Variants in CSNK1G1 observed in about 807,000 individuals in gnomAD.
CSNK1G1 encodes casein kinase I isoform gamma-1.
Under a neutral mutation model 59.6 loss-of-function variants are expected in CSNK1G1, and 22 were observed. The ratio of observed to expected loss-of-function variants is 0.37; its 90% CI spans 0.26 to 0.53. The LOEUF (loss-of-function observed/expected upper bound fraction) is 0.53, where lower values mean the gene tolerates loss of function less well. Ranked by LOEUF, CSNK1G1 falls within the 20% of genes least tolerant of loss-of-function variation. The pLI is 0.89. For missense variants in CSNK1G1, 384 were observed against 519.5 expected (o/e 0.74, Z 2.54); for synonymous variants, 179 against 177.1 (o/e 1.01, Z -0.08).
chr15:64,287,950 G>C (rs1894517635), intron 2 of CSNK1G1, among the ~76,000 whole-genome samples: 1 of 151,290 alleles, frequency 6.6e-6, no homozygotes, highest in South Asian at 2.1e-4. Flanking sequence ...GGAAACAGTA[G>C]ACTAGAGATG....
At chr15:64,285,911 C>T (rs1450603295) in intron 2 of CSNK1G1, among the ~76,000 whole-genome samples, 1 of 151,748 alleles carries the variant, frequency 6.6e-6, no homozygotes, top group Non-Finnish European at 1.5e-5. Flanking sequence ...ATGGCCTACA[C>T]AATAAAGTCC....
In CSNK1G1 at chr15:64,277,880, GATATATTTAATA is replaced by G. The variant is rs1345618302; in HGVS notation, c.182-18651_182-18640del. Among the ~76,000 whole-genome samples the G allele has an allele frequency of 8.2e-3, 1,098 of 134,146 alleles. 29 individuals carry two copies. The highest frequency in any genetic ancestry group is 0.029 in the African/African-American group (1,049 of 35,896). 88.0% of individuals were successfully genotyped at this position (134,146 alleles called of 152,430 possible). A position where few individuals can be genotyped will look rare whatever the true frequency, so the allele number is the denominator to read the frequency against. On this transcript the variant is annotated intron_variant, in intron 2 of 11. Transcript: ENST00000303052. Reference sequence around the variant, plus strand: ...TATTGATATATTTAATAATAATATTGATATATTTAATATATTGATATTGATATATTTAATAAT... The same window carrying G: ...TATTGATATATTTAATAATAATATTGTATTGATATTGATATATTTAATAAT...
At chr15:64,347,963 G>T (rs942882983) in intron 1 of CSNK1G1, among the ~76,000 whole-genome samples, 1 of 149,222 alleles carries the variant, frequency 6.7e-6, no homozygotes, top group African/African-American at 2.5e-5. Flanking sequence ...CTGATATCCC[G>T]CCACTGCACT....
intron 1 of CSNK1G1, among the ~76,000 whole-genome samples, chr15:64,331,945 A>G (rs1897132587): frequency 6.6e-6 from 1 of 151,526 alleles, no homozygotes; most frequent in Non-Finnish European, 1.5e-5. Context: ...ACTGGCCATC[A>G]GAGAAATGCA....
chr15:64,319,608 C>T (rs1411890731), intron 1 of CSNK1G1, among the ~76,000 whole-genome samples: 2 of 152,152 alleles, frequency 1.3e-5, no homozygotes, highest in South Asian at 4.1e-4. Context: ...TGCAGTGGCA[C>T]GATCTCGCTC....
chr15:64,306,572 T>C (rs1895695214), intron 1 of CSNK1G1, among the ~76,000 whole-genome samples: 1 of 152,164 alleles, frequency 6.6e-6, no homozygotes, highest in African/African-American at 2.4e-5. Context: ...GGAAGAAAGT[T>C]TGGCAGTTTC....
intron 4 of CSNK1G1, among the ~76,000 whole-genome samples, chr15:64,233,464 T>C (rs2082574852): frequency 6.6e-6 from 1 of 152,132 alleles, no homozygotes; most frequent in South Asian, 2.1e-4. Flanking sequence ...GATTTAGAGC[T>C]ATTTGAGAAT....
chr15:64,338,912 G>A (rs1367590506), intron 1 of CSNK1G1, among the ~76,000 whole-genome samples: 3 of 151,718 alleles, frequency 2.0e-5, no homozygotes, highest in African/African-American at 4.8e-5. Context: ...AGCTACTTGA[G>A]AGGCTGAGGC....
intron 1 of CSNK1G1, among the ~76,000 whole-genome samples, chr15:64,317,508 C>T (rs1336817120): frequency 6.7e-6 from 1 of 148,760 alleles, no homozygotes; most frequent in Non-Finnish European, 1.5e-5. Context: ...TTTTTTGTAT[C>T]CATCAAAGTG....
At chr15:64,231,416 T>C (rs974493274) in intron 4 of CSNK1G1, among the ~76,000 whole-genome samples, 1 of 146,978 alleles carries the variant, frequency 6.8e-6, no homozygotes, top group African/African-American at 2.5e-5. Flanking sequence ...TATATGTATA[T>C]GTATATATAT....
At chr15:64,287,849 G>A (rs981357154) in intron 2 of CSNK1G1, among the ~76,000 whole-genome samples, 1 of 152,046 alleles carries the variant, frequency 6.6e-6, no homozygotes, top group African/African-American at 2.4e-5. Flanking sequence ...GTTTAACATG[G>A]CAGAAAAAAA....
chr15:64,203,693 G>GT (rs1221258608), intron 9 of CSNK1G1, among the ~76,000 whole-genome samples: 2 of 65,146 alleles, frequency 3.1e-5, no homozygotes, highest in Admixed American at 1.6e-4. Context: ...GTGAAACTCC[G>GT]TAAAAAAAAA....
intron 1 of CSNK1G1, among the ~76,000 whole-genome samples, chr15:64,308,411 T>G (rs769343869): frequency 1.2e-4 from 18 of 146,762 alleles, no homozygotes; most frequent in Middle Eastern, 3.4e-3. Flanking sequence ...ACTAGTTATA[T>G]ACACATTTTT....
intron 4 of CSNK1G1, among the ~76,000 whole-genome samples, chr15:64,248,591 A>G (rs1443341153): frequency 1.3e-5 from 2 of 152,156 alleles, no homozygotes; most frequent in Non-Finnish European, 2.9e-5. Context: ...ATGCAATTAC[A>G]ATAAAAAAAT....
chr15:64,304,952 T>G (rs1895585990), intron 1 of CSNK1G1, among the ~76,000 whole-genome samples: 1 of 152,232 alleles, frequency 6.6e-6, no homozygotes, highest in African/African-American at 2.4e-5. Flanking sequence ...TTGGTCCTCA[T>G]GCTTGCTGTT....
Position 64,200,881 on chromosome 15 carries a change from A to G in CSNK1G1, c.1107+2201T>C, listed in dbSNP as rs868626489. On this transcript the variant is annotated intron_variant, in intron 10 of 11. Transcript: ENST00000303052. This position sits in a 1 kb window ranked among gnomAD's most constrained non-coding sequence, Gnocchi z 4.3. ...TTCTATATCTCTGCTACCAATGACA[A>G]TGCAACAGTTTTATGCACATAACCT... Among the ~76,000 whole-genome samples the G allele has an allele frequency of 1.3e-5, 2 of 152,324 alleles. No individual in the cohort carries two copies. Among genetic ancestry groups the G allele is most frequent in the Middle Eastern group, 3.4e-3 (1 of 294 alleles).
intron 4 of CSNK1G1, among the ~76,000 whole-genome samples, chr15:64,219,237 C>A (rs1011542663): frequency 3.9e-5 from 6 of 152,134 alleles, no homozygotes; most frequent in Non-Finnish European, 8.8e-5. Context: ...CTAGTTGTTT[C>A]CAATGACTCC....
intron 4 of CSNK1G1, among the ~76,000 whole-genome samples, chr15:64,250,186 G>A (rs750481703): frequency 6.6e-6 from 1 of 152,104 alleles, no homozygotes; most frequent in Non-Finnish European, 1.5e-5. Context: ...TACACCCTGT[G>A]AACTCAGTTG....
chr15:64,348,703 G>A (rs975849284), intron 1 of CSNK1G1, among the ~76,000 whole-genome samples: 1 of 152,252 alleles, frequency 6.6e-6, no homozygotes, highest in East Asian at 1.9e-4. Flanking sequence ...CTTGATCACA[G>A]CTGTGGTTAG....
Sources: gnomAD v4.1 joint callset for allele counts (sites outside exome capture counted in the v4.1 genomes callset) on GRCh38, gnomAD v4.1.1 for gene constraint, Gnocchi (gnomAD v3.1) non-coding constraint, MANE v1.5 for transcripts, NCBI Gene and HGNC (gene_info 2026-07-23, HGNC 2026-07-21) for gene names.